Variants in LNPK observed in about 807,000 individuals in gnomAD.
The protein encoded by LNPK is endoplasmic reticulum junction formation protein lunapark.
In LNPK, 29 loss-of-function variants were observed where a neutral mutation model predicts 55.2. That is an observed-to-expected ratio of 0.53 (90% confidence interval 0.39 to 0.72). The LOEUF is 0.72. Ranked by LOEUF, LNPK falls within the 30% of genes least tolerant of loss-of-function variation. LNPK has a pLI of 0.00. For synonymous variants in LNPK, 162 were observed against 168.2 expected (o/e 0.96, Z 0.29); for missense variants, 467 against 494.8 (o/e 0.94, Z 0.53).
intron 11 of LNPK, 50 bp downstream of exon 11, chr2:175,938,263 A>G: frequency 8.8e-7 from 1 of 1,141,812 alleles, no homozygotes; most frequent in Non-Finnish European, 1.3e-6. Flanking sequence ...GGCATAGAAT[A>G]AAATATTTAA....
chr2:176,000,299 C>T (rs765056342), intron 1 of LNPK, among the ~76,000 whole-genome samples: 1 of 152,140 alleles, frequency 6.6e-6, no homozygotes, highest in African/African-American at 2.4e-5. Flanking sequence ...AAACTCTGCA[C>T]GCCTCAGTTA....
chr2:175,933,937 C>T (rs2360057), intron 12 of LNPK, among the ~76,000 whole-genome samples: 18,999 of 152,016 alleles, frequency 0.12, 1,539 homozygotes, highest in African/African-American at 0.21. Context: ...CTCACAATAT[C>T]GGCCAGGCTG....
At chr2:175,998,385 G>C (rs1688028888) in intron 1 of LNPK, among the ~76,000 whole-genome samples, 1 of 149,908 alleles carries the variant, frequency 6.7e-6, no homozygotes, top group African/African-American at 2.5e-5. Context: ...GGAGGTTGCA[G>C]TGAGCCAAGA....
intron 8 of LNPK, among the ~76,000 whole-genome samples, chr2:175,951,643 C>T (rs1013054555): frequency 7.1e-6 from 1 of 140,408 alleles, no homozygotes; most frequent in Non-Finnish European, 1.5e-5. Flanking sequence ...TGGTTAATGA[C>T]ATTTGGGTTG....
Position 176,002,163 on chromosome 2 carries a change from CAAG to C in LNPK, c.-69_-67del, listed in dbSNP as rs1559082687. ...GCCCTCGCCTTGAGCGTTCTACCTG[CAAG>C]AAGCGGGCGCAGCCCGGCCCGGGCG... On this transcript the variant is annotated 5_prime_UTR_variant, in exon 1 of 13. Coordinates refer to ENST00000272748, the MANE Select transcript of LNPK (RefSeq NM_030650.3). The C allele has an allele frequency of 2.2e-6, 1 of 444,984 alleles. No individual in the cohort carries two copies. Among genetic ancestry groups the C allele is most frequent in the Admixed American group, 2.4e-5 (1 of 41,038 alleles). 27.6% of individuals were successfully genotyped at this position (444,984 alleles called of 1,614,324 possible).
At position 175,957,986 on chromosome 2, in the gene LNPK, G is replaced by C. The variant is rs139068966; in HGVS notation, c.493+6386C>G. On this transcript the variant is annotated intron_variant, in intron 8 of 12. Coordinates refer to ENST00000272748, the MANE Select transcript of LNPK (RefSeq NM_030650.3). The stretch of plus-strand genomic sequence containing the variant: ...ACAGCAGTCCGAGATCCAACTGCAA[G>C]GCAGCAGCCTGGGGTGGGGGAGGGG... Among the ~76,000 whole-genome samples the C allele has an allele frequency of 1.0e-3, 159 of 152,350 alleles. 1 individual carries two copies. Among genetic ancestry groups the C allele is most frequent in the African/African-American group, 3.4e-3 (142 of 41,596 alleles).
At position 175,927,423 on chromosome 2, in the gene LNPK, T is replaced by C. The variant is rs1684061222; in HGVS notation, c.*2544A>G. ...TAAGGATGGTGAGCAGAGAGTGACA[T>C]GATAGGGAGTAAAAGGCAGAGGCCA... On this transcript the variant is annotated 3_prime_UTR_variant, in exon 13 of 13. Transcript: ENST00000272748. The C allele has an allele frequency of 6.6e-6, 1 of 152,102 alleles. No individual in the cohort carries two copies. The highest frequency in any genetic ancestry group is 1.5e-5 in the Non-Finnish European group (1 of 68,028). 9.4% of individuals were successfully genotyped at this position (152,102 alleles called of 1,614,324 possible). A position where few individuals can be genotyped will look rare whatever the true frequency, so the allele number is the denominator to read the frequency against.
At chr2:176,000,092 T>C (rs527398574) in intron 1 of LNPK, among the ~76,000 whole-genome samples, 84 of 152,340 alleles carry the variant, frequency 5.5e-4, no homozygotes, top group Admixed American at 8.5e-4. Flanking sequence ...TGAACAATAA[T>C]GACCACCTTA....
intron 4 of LNPK, among the ~76,000 whole-genome samples, chr2:175,986,039 T>C (rs1687393542): frequency 6.6e-6 from 1 of 152,166 alleles, no homozygotes; most frequent in Non-Finnish European, 1.5e-5. Context: ...GATGTGTTTC[T>C]AACGAAGATA....
chr2:176,002,078 G>A lies in LNPK; in HGVS notation c.-63+82C>T, dbSNP rs556331097. 204 of 326,628 alleles carry A rather than the reference G, an allele frequency of 6.2e-4. 5 individuals are homozygous for A. Among genetic ancestry groups the A allele is most frequent in the South Asian group, 4.5e-3 (202 of 45,354 alleles). The allele number at this position is 326,628 out of a possible 1,614,324, so 20.2% of individuals were successfully genotyped here. A position where few individuals can be genotyped will look rare whatever the true frequency, so the allele number is the denominator to read the frequency against. On this transcript the variant is annotated intron_variant, in intron 1 of 12. Coordinates refer to ENST00000272748, the MANE Select transcript of LNPK (RefSeq NM_030650.3). ...CCAAGGAGAGGCAAGCGGGGAACCC[G>A]CAGCTTATTTCCCAGGGGCACAGCT...
chr2:175,984,978 T>C (rs569088854), intron 4 of LNPK, among the ~76,000 whole-genome samples: 3 of 152,336 alleles, frequency 2.0e-5, no homozygotes, highest in Non-Finnish European at 4.4e-5. Context: ...AGCTGGTGAA[T>C]AGTTAAACTA....
chr2:175,990,164 T>C (rs1187698145), intron 4 of LNPK, among the ~76,000 whole-genome samples: 4 of 152,224 alleles, frequency 2.6e-5, no homozygotes, highest in East Asian at 1.9e-4. Flanking sequence ...ATGTTGAAAT[T>C]TGTCCCCCAG....
At chr2:175,947,782 C>A (rs1191723486) in intron 8 of LNPK, 90 bp from the exon 9 acceptor site, 4 of 826,242 alleles carry the variant, frequency 4.8e-6, no homozygotes, top group African/African-American at 3.4e-5. Context: ...AAATTTTACG[C>A]CCCAAAAGGC....
chr2:175,927,435 A>C lies in LNPK; in HGVS notation c.*2532T>G, dbSNP rs1385888684. The C allele has an allele frequency of 6.6e-6, 1 of 152,250 alleles. No homozygotes were observed. Among genetic ancestry groups the C allele is most frequent in the African/African-American group, 2.4e-5 (1 of 41,454 alleles). The allele number at this position is 152,250 out of a possible 1,614,324, so 9.4% of individuals were successfully genotyped here. On this transcript the variant is annotated 3_prime_UTR_variant, in exon 13 of 13. Transcript: ENST00000272748. ...GCAGAGAGTGACATGATAGGGAGTAAAAGGCAGAGGCCAGCTTCAGATGGG... is the reference window on the plus strand; with the variant it reads ...GCAGAGAGTGACATGATAGGGAGTACAAGGCAGAGGCCAGCTTCAGATGGG...
intron 6 of LNPK, among the ~76,000 whole-genome samples, chr2:175,966,084 T>C (rs559628835): frequency 6.6e-6 from 1 of 152,316 alleles, no homozygotes; most frequent in East Asian, 1.9e-4. Context: ...CATTTTGTTT[T>C]GTTTTAGATG....
intron 1 of LNPK, among the ~76,000 whole-genome samples, chr2:175,999,398 A>G (rs1688078012): frequency 6.6e-6 from 1 of 152,216 alleles, no homozygotes; most frequent in African/African-American, 2.4e-5. Flanking sequence ...AAAGAGGGAT[A>G]GTTAAGGACC....
At chr2:175,992,623 ACAT>A (rs1687757504) in intron 3 of LNPK, among the ~76,000 whole-genome samples, 1 of 152,196 alleles carries the variant, frequency 6.6e-6, no homozygotes, top group Non-Finnish European at 1.5e-5. Flanking sequence ...GCTTATTCTA[ACAT>A]CATTTTTACA....
chr2:175,972,627 C>T (rs1686711525), intron 5 of LNPK, among the ~76,000 whole-genome samples: 2 of 152,240 alleles, frequency 1.3e-5, no homozygotes, highest in South Asian at 2.1e-4. Flanking sequence ...TCTCTATCAT[C>T]AAAACTGATT....
chr2:175,973,592 T>C (rs1370150073), intron 5 of LNPK, among the ~76,000 whole-genome samples: 1 of 152,216 alleles, frequency 6.6e-6, no homozygotes, highest in East Asian at 1.9e-4. Context: ...CAGATTCCAC[T>C]TCAGGTTGTA....
Sources: gnomAD v4.1 joint callset for allele counts (sites outside exome capture counted in the v4.1 genomes callset) on GRCh38, gnomAD v4.1.1 for gene constraint, MANE v1.5 for transcripts, NCBI Gene and HGNC (gene_info 2026-07-23, HGNC 2026-07-21) for gene names.